Variants in TENM2 observed in about 807,000 individuals in gnomAD.
The protein encoded by TENM2 is teneurin transmembrane protein 2, also known as teneurin-2.
Under a neutral mutation model 245.2 loss-of-function variants are expected in TENM2, and 52 were observed. The ratio of observed to expected loss-of-function variants is 0.21; its 90% CI spans 0.17 to 0.27. The LOEUF (loss-of-function observed/expected upper bound fraction) is 0.27. Among genes scored for constraint, TENM2 ranks in the 10% least tolerant of loss-of-function variants. The pLI, the probability that TENM2 is intolerant of heterozygous loss-of-function variation, is 1.00. For missense variants in TENM2, 3,046 were observed against 3,666.8 expected, an observed-to-expected ratio of 0.83 and a Z score of 4.37; for synonymous variants, 1,363 against 1,438.9, an observed-to-expected ratio of 0.95 and a Z score of 1.19.
At chr5:167,126,712 G>C in the TENM2 span, among the ~76,000 whole-genome samples, 3 of 152,022 alleles carry the variant, frequency 2.0e-5, no homozygotes, top group African/African-American at 7.2e-5. Flanking sequence ...TAATTTCTAA[G>C]CTAAACCGTA....
chr5:167,377,135 C>T (rs1347691165), intron 2 of TENM2, among the ~76,000 whole-genome samples: 1 of 152,002 alleles, frequency 6.6e-6, no homozygotes, highest in Non-Finnish European at 1.5e-5. Context: ...AAAATGCTTG[C>T]CATGAATTTA....
chr5:167,262,402 G>T, the TENM2 span, among the ~76,000 whole-genome samples: 1 of 150,744 alleles, frequency 6.6e-6, no homozygotes, highest in African/African-American at 2.4e-5. Flanking sequence ...TTTTTTTTGG[G>T]GGGGCGGTGC....
intron 2 of TENM2, among the ~76,000 whole-genome samples, chr5:167,875,401 C>A (rs1196462097): frequency 6.6e-6 from 1 of 152,030 alleles, no homozygotes; most frequent in African/African-American, 2.4e-5. Flanking sequence ...CGTGGAAAGT[C>A]GTAAGTGTTA....
chr5:167,156,157 A>G, the TENM2 span, among the ~76,000 whole-genome samples: 84 of 152,252 alleles, frequency 5.5e-4, no homozygotes, highest in African/African-American at 1.9e-3. Flanking sequence ...GAAAATGTGG[A>G]TGTGTTTTGG....
the TENM2 span, among the ~76,000 whole-genome samples, chr5:167,016,057 A>C: frequency 1.3e-5 from 2 of 151,988 alleles, no homozygotes; most frequent in African/African-American, 4.8e-5. Flanking sequence ...GATCGAGACC[A>C]TCCTAGCTAA....
At chr5:167,340,251 C>G (rs1758018040) in intron 1 of TENM2, among the ~76,000 whole-genome samples, 1 of 152,176 alleles carries the variant, frequency 6.6e-6, no homozygotes, top group African/African-American at 2.4e-5. Flanking sequence ...AGCCTCTATC[C>G]ACTACCAGTT....
intron 1 of TENM2, among the ~76,000 whole-genome samples, chr5:167,364,772 T>C (rs1759940169): frequency 6.6e-6 from 1 of 151,958 alleles, no homozygotes; most frequent in Admixed American, 6.6e-5. Context: ...TATAAAAGTC[T>C]ATGTGCCTAA....
the TENM2 span, among the ~76,000 whole-genome samples, chr5:167,180,456 G>A: frequency 6.6e-6 from 1 of 152,038 alleles, no homozygotes; most frequent in African/African-American, 2.4e-5. Context: ...AGAAAGTGCC[G>A]CCGCCTGACC....
intron 1 of TENM2, among the ~76,000 whole-genome samples, chr5:167,374,786 A>T (rs1760644375): frequency 6.6e-6 from 1 of 152,140 alleles, no homozygotes; most frequent in African/African-American, 2.4e-5. Flanking sequence ...CTACAAAAGG[A>T]TTACAGTAAT....
chr5:167,337,922 C>G (rs905148981), intron 1 of TENM2, among the ~76,000 whole-genome samples: 2 of 152,094 alleles, frequency 1.3e-5, no homozygotes, highest in Non-Finnish European at 2.9e-5. Flanking sequence ...TAAAAAAATA[C>G]TTTGCAATAG....
At chr5:167,929,059 G>GAGAAAGAAAGAAAGAAAGAAA (rs1778012672) in intron 3 of TENM2, among the ~76,000 whole-genome samples, 1 of 77,442 alleles carries the variant, frequency 1.3e-5, no homozygotes, top group African/African-American at 4.8e-5. Context: ...GAAAGAAAGA[G>GAGAAAGAAAGAAAGAAAGAAA]AGAAAGAAAG....
intron 12 of TENM2, among the ~76,000 whole-genome samples, chr5:168,136,106 G>A (rs1307587605): frequency 1.3e-5 from 2 of 152,118 alleles, no homozygotes; most frequent in African/African-American, 2.4e-5. Context: ...GACCGAGCTG[G>A]GGTAAGAGTC....
At chr5:167,696,234 G>A (rs1220285525) in intron 2 of TENM2, among the ~76,000 whole-genome samples, 1 of 152,028 alleles carries the variant, frequency 6.6e-6, no homozygotes, top group Admixed American at 6.5e-5. Flanking sequence ...AGGAATATCT[G>A]TAGTTCTGAA....
chr5:167,358,855 T>A (rs1759521045), intron 1 of TENM2, among the ~76,000 whole-genome samples: 1 of 144,592 alleles, frequency 6.9e-6, no homozygotes. Context: ...ACACACACCC[T>A]GCTGTTTTTA....
intron 2 of TENM2, among the ~76,000 whole-genome samples, chr5:167,587,410 G>T (rs1775582469): frequency 6.6e-6 from 1 of 152,154 alleles, no homozygotes; most frequent in South Asian, 2.1e-4. Flanking sequence ...GACTGTCATT[G>T]TGCCAAGAAT....
chr5:167,084,444 C>A, the TENM2 span, among the ~76,000 whole-genome samples: 1 of 144,020 alleles, frequency 6.9e-6, no homozygotes, highest in Non-Finnish European at 1.5e-5. Flanking sequence ...AGCAACAACA[C>A]CAGCAACCAT....
intron 2 of TENM2, among the ~76,000 whole-genome samples, chr5:167,641,817 A>G (rs1317133163): frequency 1.3e-5 from 2 of 152,072 alleles, no homozygotes; most frequent in African/African-American, 2.4e-5. Flanking sequence ...CATCTAAAGG[A>G]CCCACTAACA....
chr5:168,225,775 A>G (rs942220386), intron 23 of TENM2, among the ~76,000 whole-genome samples: 29 of 151,918 alleles, frequency 1.9e-4, no homozygotes, highest in East Asian at 3.9e-4. Context: ...AAAAAAAAAA[A>G]AAAAGAAAAG....
intron 12 of TENM2, among the ~76,000 whole-genome samples, chr5:168,144,150 C>T (rs904345902): frequency 1.3e-5 from 2 of 151,956 alleles, no homozygotes; most frequent in East Asian, 3.9e-4. Context: ...CGAGCCACTG[C>T]GCCCAGCCTA....
Sources: gnomAD v4.1 joint callset for allele counts (sites outside exome capture counted in the v4.1 genomes callset) on GRCh38, gnomAD v4.1.1 for gene constraint, MANE v1.5 for transcripts, NCBI Gene and HGNC (gene_info 2026-07-23, HGNC 2026-07-21) for gene names.